The following FTO variants were observed in gnomAD, a reference collection of about 807,000 sequenced individuals.
The protein encoded by FTO is FTO alpha-ketoglutarate dependent dioxygenase.
In FTO, 47 loss-of-function variants were observed where a neutral mutation model predicts 63.9. The ratio of observed to expected loss-of-function variants is 0.74; its 90% confidence interval spans 0.58 to 0.94. FTO has a LOEUF of 0.94. Among genes scored for constraint, FTO ranks in the 40% least tolerant of loss-of-function variants. FTO has a pLI of 0.00. For missense variants in FTO, 562 were observed against 618.1 expected (o/e 0.91, Z 0.96); for synonymous variants, 207 against 224.4 (o/e 0.92, Z 0.69).
intron 8 of FTO, among the ~76,000 whole-genome samples, chr16:53,998,097 C>T (rs998754460): frequency 1.3e-5 from 2 of 152,022 alleles, no homozygotes; most frequent in African/African-American, 2.4e-5. Flanking sequence ...TGATGTAGAC[C>T]GCTCTTTCAG....
At chr16:53,873,424 A>G (rs994307503) in intron 4 of FTO, among the ~76,000 whole-genome samples, 1 of 150,980 alleles carries the variant, frequency 6.6e-6, no homozygotes, top group Non-Finnish European at 1.5e-5. Context: ...GATAGAATAT[A>G]TACATATTTA....
intron 1 of FTO, among the ~76,000 whole-genome samples, chr16:53,741,116 T>G (rs2076518955): frequency 1.3e-5 from 2 of 152,254 alleles, no homozygotes; most frequent in African/African-American, 4.8e-5. Flanking sequence ...AAATAAAGTT[T>G]TATTGAAACA....
chr16:53,717,285 C>G (rs1372282156), intron 1 of FTO, among the ~76,000 whole-genome samples: 1 of 152,050 alleles, frequency 6.6e-6, no homozygotes, highest in Non-Finnish European at 1.5e-5. Flanking sequence ...TACATCCACT[C>G]TAACACTGGG....
At chr16:53,766,260 C>G (rs1259693252) in intron 1 of FTO, among the ~76,000 whole-genome samples, 1 of 152,286 alleles carries the variant, frequency 6.6e-6, no homozygotes, top group East Asian at 1.9e-4. Flanking sequence ...GGGTCTCACT[C>G]TGTTGCCCAG....
rs542961766 is a variant in FTO at position 53,724,358 on chromosome 16, G to A, written c.45+20129G>A. Among the ~76,000 whole-genome samples the A allele has an allele frequency of 3.3e-5, 5 of 152,286 alleles. No homozygotes were observed. The South Asian group carries it at 8.3e-4, about 25-fold the overall frequency. ...ATAGTGATCAGAGCTTAAAGGTGTT[G>A]GTCTACACCAGTGCTGCCACGAAGT... On this transcript the variant is annotated intron_variant, in intron 1 of 8. Transcript: ENST00000471389.
intron 8 of FTO, among the ~76,000 whole-genome samples, chr16:54,103,720 G>A (rs1293629579): frequency 6.6e-6 from 1 of 152,152 alleles, no homozygotes; most frequent in East Asian, 1.9e-4. Flanking sequence ...TTGTAAAGTT[G>A]TCCACAGTGT....
intron 6 of FTO, among the ~76,000 whole-genome samples, chr16:53,888,433 T>TTTTAAAAATA (rs1283533485): frequency 5.3e-5 from 8 of 151,376 alleles, no homozygotes; most frequent in East Asian, 3.9e-4. Flanking sequence ...GCCAATTTAT[T>TTTTAAAAATA]AGTAGCTTGG....
At chr16:53,895,774 T>A (rs183472052) in intron 7 of FTO, among the ~76,000 whole-genome samples, 101 of 152,332 alleles carry the variant, frequency 6.6e-4, no homozygotes, top group African/African-American at 2.3e-3. Flanking sequence ...GGATCGTTCC[T>A]AGTGCCTCTG....
intron 8 of FTO, among the ~76,000 whole-genome samples, chr16:54,009,426 A>G (rs1055544240): frequency 2.6e-5 from 4 of 152,332 alleles, no homozygotes; most frequent in African/African-American, 7.2e-5. Context: ...TTTAAAAGCA[A>G]CAAAACTCAT....
intron 8 of FTO, among the ~76,000 whole-genome samples, chr16:54,089,055 G>A (rs551822638): frequency 9.9e-5 from 15 of 152,284 alleles, no homozygotes; most frequent in East Asian, 9.7e-4. Context: ...GGCGAATTCC[G>A]TGAGAAGTTT....
At chr16:53,736,224 C>T (rs1473626973) in intron 1 of FTO, among the ~76,000 whole-genome samples, 2 of 152,094 alleles carry the variant, frequency 1.3e-5, no homozygotes, top group South Asian at 2.1e-4. Flanking sequence ...TGTATCGTAC[C>T]GAGGTACGTC....
intron 8 of FTO, among the ~76,000 whole-genome samples, chr16:53,939,855 A>G (rs1453342202): frequency 2.0e-5 from 3 of 152,148 alleles, no homozygotes; most frequent in Non-Finnish European, 4.4e-5. Context: ...TTATTTATCC[A>G]GTAATCAACT....
chr16:53,852,877 A>T (rs745806432), intron 4 of FTO, among the ~76,000 whole-genome samples: 20 of 152,128 alleles, frequency 1.3e-4, no homozygotes, highest in Non-Finnish European at 2.2e-4. Context: ...GCTCAATATC[A>T]CTAGATGTTT....
chr16:53,853,518 C>A (rs2079877632), intron 4 of FTO, among the ~76,000 whole-genome samples: 1 of 152,050 alleles, frequency 6.6e-6, no homozygotes, highest in Admixed American at 6.6e-5. Flanking sequence ...GTACCACTCT[C>A]TACACCTTCA....
At chr16:53,958,831 A>G (rs1170664414) in intron 8 of FTO, among the ~76,000 whole-genome samples, 1 of 152,176 alleles carries the variant, frequency 6.6e-6, no homozygotes, top group Non-Finnish European at 1.5e-5. Flanking sequence ...CCAGGCAGCC[A>G]ACCTTTCTCA....
intron 4 of FTO, among the ~76,000 whole-genome samples, chr16:53,865,380 C>G (rs138080838): frequency 2.0e-5 from 3 of 152,278 alleles, no homozygotes; most frequent in African/African-American, 7.2e-5. Flanking sequence ...AGCCACACTT[C>G]TGCTTTTTAT....
intron 4 of FTO, among the ~76,000 whole-genome samples, chr16:53,853,816 C>A (rs1302761111): frequency 6.6e-6 from 1 of 152,052 alleles, no homozygotes; most frequent in Non-Finnish European, 1.5e-5. Flanking sequence ...GATATAATGA[C>A]TTCTTTTTCA....
chr16:53,984,321 C>CCTTTTTTTTTTTTTTTTTTTTT (rs1555500067), intron 8 of FTO, among the ~76,000 whole-genome samples: 1 of 67,290 alleles, frequency 1.5e-5, no homozygotes. Flanking sequence ...TGGAATGGGT[C>CCTTTTTTTTTTTTTTTTTTTTT]TTTTTTTTTT....
chr16:53,778,320 A>G lies in FTO; in HGVS notation c.46-31820A>G, dbSNP rs551605041. 3.3e-4 allele frequency among the ~76,000 whole-genome samples: 51 copies of G among 152,346 alleles called. 1 individual carries two copies. The Middle Eastern group carries it at 0.01, about 30-fold the overall frequency. On this transcript the variant is annotated intron_variant, in intron 1 of 8. Coordinates refer to ENST00000471389, the MANE Select transcript of FTO (RefSeq NM_001080432.3). ...ATAAGTTAATTAGCTTGATTTAATC[A>G]TTCCACAATGTATACAAATGTCAAA... is the stretch of plus-strand genomic sequence containing the variant.
Sources: allele counts gnomAD v4.1 joint callset (sites outside exome capture counted in the v4.1 genomes callset), GRCh38; gene constraint gnomAD v4.1.1; transcripts MANE v1.5; gene names NCBI Gene and HGNC (gene_info 2026-07-23, HGNC 2026-07-21).